SCN10A: variants seen among roughly 807,000 people sequenced by gnomAD.
SCN10A encodes sodium channel protein type 10 subunit alpha.
Under a neutral mutation model 170.7 loss-of-function variants are expected in SCN10A, and 162 were observed. The ratio of observed to expected loss-of-function variants is 0.95; its 90% CI spans 0.84 to 1.08. SCN10A has a LOEUF of 1.08. Among genes scored for constraint, SCN10A ranks in the 50% least tolerant of loss-of-function variants. SCN10A has a pLI of 0.00. For missense variants in SCN10A, 2,527 were observed against 2,436.9 expected (o/e 1.04, Z -0.78); for synonymous variants, 985 against 904.6 (o/e 1.09, Z -1.59).
At chr3:38,766,099 T>C (rs1285673130) in intron 5 of SCN10A, among the ~76,000 whole-genome samples, 3 of 152,162 alleles carry the variant, frequency 2.0e-5, no homozygotes, top group African/African-American at 7.2e-5. Flanking sequence ...CCTGAAACTT[T>C]ACTGAATTCA....
At position 38,726,621 on chromosome 3, in the gene SCN10A, C is replaced by T. The variant is rs750273256; in HGVS notation, c.3072G>A (p.Val1024=). Residue 1024 remains valine (V), a synonymous_variant, in exon 17 of 28, where the codon GTG becomes GTA. Coordinates refer to ENST00000449082, the MANE Select transcript of SCN10A (RefSeq NM_006514.4). ...TAACTCTTACCTGTCCTTTGGGGAT[C>T]ACTTCCTGCTGGAAGCTCTGAGCAT... The part of the protein sequence containing the change: ...GEDAQSFQQE[V]IPKGQQEQLQ... 7 of 1,587,898 alleles carry T rather than the reference C, an allele frequency of 4.4e-6. No individual in the cohort carries two copies. In the South Asian group the frequency reaches 8.0e-5, roughly 18 times the overall value.
intron 25 of SCN10A, 119 bp downstream of exon 25, chr3:38,709,359 T>C (rs1021642981): frequency 5.7e-6 from 6 of 1,047,784 alleles, no homozygotes; most frequent in African/African-American, 4.8e-5. Flanking sequence ...AGCACTGATA[T>C]TAAAGTGATG....
rs140566252 is a variant in SCN10A, at chr3:38,697,850, C to A, written c.5370G>T (p.Leu1790=). 2.6e-4 allele frequency: 419 copies of A among 1,613,982 alleles called. No individual in the cohort carries two copies. The highest frequency in any genetic ancestry group is 3.4e-4 in the Non-Finnish European group (400 of 1,180,012). Residue 1790 remains leucine, a synonymous_variant, in exon 28 of 28, where the codon CTG becomes CTT. Transcript: ENST00000449082. ...PNRNILIQMD[L]PLVPGDKIHC... ...GGATCTTATCTCCAGGGACCAAAGG[C>A]AGGTCCATCTGGATCAGTATATTTC...
At chr3:38,777,908 T>C (rs1256815700) in intron 4 of SCN10A, among the ~76,000 whole-genome samples, 1 of 152,094 alleles carries the variant, frequency 6.6e-6, no homozygotes, top group Non-Finnish European at 1.5e-5. Context: ...AAATAAATTC[T>C]AGGAGATTGA....
In SCN10A at chr3:38,757,007, C is replaced by A; in HGVS notation, c.1092+11G>T. 1 of 1,605,072 alleles carries A rather than the reference C, an allele frequency of 6.2e-7. No homozygotes were observed. The highest frequency in any genetic ancestry group is 8.5e-7 in the Non-Finnish European group (1 of 1,175,920). Reference sequence around the variant, plus strand: ...CCAACCAAGTCTGCGTGGGGGAATGCAGCTCAGTACCTGCTGGTAGAGGCG... The same window carrying A: ...CCAACCAAGTCTGCGTGGGGGAATGAAGCTCAGTACCTGCTGGTAGAGGCG... On this transcript the variant is annotated intron_variant, in intron 9 of 27. Coordinates refer to ENST00000449082, the MANE Select transcript of SCN10A (RefSeq NM_006514.4).
chr3:38,772,731 AAAAAC>A lies in SCN10A; in HGVS notation c.471-1329_471-1325del, dbSNP rs1270300566. ...CAGCAACAACAACAACAACAAAAAC[AAAAAC>A]AAAAAAAAAAAAACCTGTACTAATA... is the stretch of plus-strand genomic sequence containing the variant. On this transcript the variant is annotated intron_variant, in intron 4 of 27. Transcript: ENST00000449082. 1.1e-3 allele frequency among the ~76,000 whole-genome samples: 74 copies of A among 65,868 alleles called. 1 individual carries two copies. Among genetic ancestry groups the A allele is most frequent in the Non-Finnish European group, 1.5e-3 (45 of 29,902 alleles). 43.2% of individuals were successfully genotyped at this position (65,868 alleles called of 152,430 possible). A position where few individuals can be genotyped will look rare whatever the true frequency, so the allele number is the denominator to read the frequency against.
At chr3:38,718,620 C>G (rs755067126) in intron 21 of SCN10A, 33 bp downstream of exon 21, 1 of 1,611,536 alleles carries the variant, frequency 6.2e-7, no homozygotes, top group Non-Finnish European at 8.5e-7. Flanking sequence ...GGGGAGGACC[C>G]CAAACCCCAC....
At position 38,701,933 on chromosome 3, in the gene SCN10A, G is replaced by A. The variant is rs774492634; in HGVS notation, c.4563C>T (p.Gly1521=). 16 of 1,614,024 alleles carry A rather than the reference G, an allele frequency of 9.9e-6. No homozygotes were observed. The highest frequency in any genetic ancestry group is 8.3e-5 in the Admixed American group (5 of 60,002). The change falls in exon 27 of 28, where the codon GGC becomes GGT. Residue 1521 remains glycine, a synonymous_variant. Transcript: ENST00000449082. ...INQFFVAVFT[G]ECVMKMFALR... Reference sequence around the variant, plus strand: ...AAGCGAACATCTTCATGACACATTCGCCTGTGAAGACGGCCACAAAGAACT... The same window carrying A: ...AAGCGAACATCTTCATGACACATTCACCTGTGAAGACGGCCACAAAGAACT...
chr3:38,716,935 G>A (rs1559418971), intron 21 of SCN10A, among the ~76,000 whole-genome samples: 1 of 152,182 alleles, frequency 6.6e-6, no homozygotes, highest in Non-Finnish European at 1.5e-5. Flanking sequence ...GTGGAAGAAA[G>A]GAAGAATAGA....
At chr3:38,772,498 G>A (rs1274899498) in intron 4 of SCN10A, among the ~76,000 whole-genome samples, 1 of 152,070 alleles carries the variant, frequency 6.6e-6, no homozygotes, top group Non-Finnish European at 1.5e-5. Context: ...GACCATCCTG[G>A]CTAACGCGGT....
At chr3:38,772,953 G>A (rs2064027180) in intron 4 of SCN10A, among the ~76,000 whole-genome samples, 1 of 152,128 alleles carries the variant, frequency 6.6e-6, no homozygotes, top group African/African-American at 2.4e-5. Context: ...AGCAGAAATG[G>A]ATAGGAAGTG....
chr3:38,804,228 T>C (rs1395009156), intron 1 of SCN10A, among the ~76,000 whole-genome samples: 3 of 152,158 alleles, frequency 2.0e-5, no homozygotes, highest in African/African-American at 7.2e-5. Flanking sequence ...CCTCTGTTTT[T>C]CAACTTGTTC....
rs538045341 is a variant in SCN10A, at chr3:38,753,686, A to G, written c.1462-1174T>C. On this transcript the variant is annotated intron_variant, in intron 11 of 27. Coordinates refer to ENST00000449082, the MANE Select transcript of SCN10A (RefSeq NM_006514.4). ...GAGAAAAATTGACACATCCATATTAAGGAAGGGAATACTACATTATTTGCA... is the reference window on the plus strand; with the variant it reads ...GAGAAAAATTGACACATCCATATTAGGGAAGGGAATACTACATTATTTGCA... Among the ~76,000 whole-genome samples the G allele has an allele frequency of 8.5e-5, 13 of 152,354 alleles. No homozygotes were observed. In the East Asian group the frequency reaches 2.3e-3, roughly 27 times the overall value.
In SCN10A at chr3:38,712,315, T is replaced by C; in HGVS notation, c.3935A>G (p.Asn1312Ser). 1.9e-6 allele frequency: 3 copies of C among 1,614,188 alleles called. No individual in the cohort carries two copies. The highest frequency in any genetic ancestry group is 2.2e-5 in the East Asian group (1 of 44,886). ...AAGGGAAAACTCTCCATCGGTATAG[T>C]TGATGCACCTCCAAAACTTCCCTGC... is the stretch of plus-strand genomic sequence containing the variant. ...LFAGKFWRCI[N>S]YTDGEFSLVP... Residue 1312 changes from asparagine (N) to serine (S), a missense_variant, in exon 23 of 28, where the codon AAC (asparagine) becomes AGC (serine). Physicochemically the swap from Asn to Ser is conservative, Grantham distance 46. Coordinates refer to ENST00000449082, the MANE Select transcript of SCN10A (RefSeq NM_006514.4).
At chr3:38,757,663 G>A (rs1576010554) in intron 8 of SCN10A, among the ~76,000 whole-genome samples, 2 of 152,208 alleles carry the variant, frequency 1.3e-5, no homozygotes, top group African/African-American at 4.8e-5. Context: ...ATCACTCAAT[G>A]TTCTTTCTTT....
In SCN10A at chr3:38,754,885, T is replaced by C. The variant is rs144953866; in HGVS notation, c.1461+903A>G. Among the ~76,000 whole-genome samples, 787 of 152,232 alleles carry C rather than the reference T, an allele frequency of 5.2e-3. 3 individuals are homozygous for C. Among genetic ancestry groups the C allele is most frequent in the Non-Finnish European group, 8.6e-3 (586 of 68,006 alleles). On this transcript the variant is annotated intron_variant, in intron 11 of 27. Transcript: ENST00000449082. ...AAAAAAATAGCCATGTTGATCCCCT[T>C]TTCCACACTGTTAGTGTGGAGCCAC...
intron 12 of SCN10A, 104 bp from the exon 13 acceptor site, chr3:38,750,288 T>C (rs2063734572): frequency 3.2e-6 from 2 of 622,134 alleles, no homozygotes; most frequent in South Asian, 2.1e-5. Flanking sequence ...TATAGTCATA[T>C]GTCACTTACA....
At chr3:38,779,753 G>C (rs1186852330) in intron 4 of SCN10A, among the ~76,000 whole-genome samples, 1 of 151,702 alleles carries the variant, frequency 6.6e-6, no homozygotes, top group Non-Finnish European at 1.5e-5. Context: ...TTAGTTTATA[G>C]TTTGTCTTTT....
At chr3:38,730,547 A>G (rs1575969167) in intron 15 of SCN10A, among the ~76,000 whole-genome samples, 2 of 152,222 alleles carry the variant, frequency 1.3e-5, no homozygotes, top group Non-Finnish European at 2.9e-5. Flanking sequence ...GGAAATAGTC[A>G]TTCCATTTCT....
Sources: allele counts gnomAD v4.1 joint callset (sites outside exome capture counted in the v4.1 genomes callset), GRCh38; gene constraint gnomAD v4.1.1; transcripts MANE v1.5; gene names NCBI Gene and HGNC (gene_info 2026-07-23, HGNC 2026-07-21).